Variants in GPC6 observed in about 807,000 individuals in gnomAD.
GPC6 encodes the protein glypican-6.
Under a neutral mutation model 55.2 loss-of-function variants are expected in GPC6, and 14 were observed. The observed-to-expected ratio is 0.25, with a 90% CI of 0.17 to 0.40. GPC6 has a LOEUF of 0.40. GPC6 is among the 10% of genes least tolerant of loss of function. The probability of loss-of-function intolerance (pLI) is 1.00; values close to 1 mark genes in which losing one functional copy is unlikely to be tolerated. For missense variants in GPC6, 641 were observed against 708.5 expected, an observed-to-expected ratio of 0.90 and a Z score of 1.08; for synonymous variants, 278 against 259.6, an observed-to-expected ratio of 1.07 and a Z score of -0.68.
At chr13:93,905,343 C>T (rs529267611) in intron 3 of GPC6, among the ~76,000 whole-genome samples, 1 of 152,128 alleles carries the variant, frequency 6.6e-6, no homozygotes, top group South Asian at 2.1e-4. Flanking sequence ...CAGTGCTACA[C>T]AAAAAATGCT....
At chr13:93,298,638 G>C (rs1465361664) in intron 1 of GPC6, among the ~76,000 whole-genome samples, 1 of 151,826 alleles carries the variant, frequency 6.6e-6, no homozygotes, top group Non-Finnish European at 1.5e-5. Context: ...ATAGGGATGG[G>C]GGTCTCCCTA....
At chr13:93,738,533 A>T (rs368979699) in intron 2 of GPC6, among the ~76,000 whole-genome samples, 16 of 152,326 alleles carry the variant, frequency 1.1e-4, no homozygotes, top group African/African-American at 3.8e-4. Flanking sequence ...CTTAGAAATG[A>T]CTTCAAAACA....
Position 93,464,101 on chromosome 13 carries a change from T to C in GPC6, c.161-81162T>C, listed in dbSNP as rs746864078. Among the ~76,000 whole-genome samples the C allele has an allele frequency of 1.1e-4, 17 of 152,326 alleles. 1 individual carries two copies. The East Asian group carries it at 3.3e-3, about 29-fold the overall frequency. The stretch of plus-strand genomic sequence containing the variant: ...TCTACAACCGGTACATATCTTAATT[T>C]AGAAATACTTTATTGCTAAAAAAAT... On this transcript the variant is annotated intron_variant, in intron 1 of 8. Transcript: ENST00000377047.
intron 3 of GPC6, among the ~76,000 whole-genome samples, chr13:93,840,137 C>T (rs1417562807): frequency 6.6e-6 from 1 of 152,054 alleles, no homozygotes; most frequent in African/African-American, 2.4e-5. Flanking sequence ...CCATTTCAAT[C>T]TCACTGCTTG....
intron 1 of GPC6, among the ~76,000 whole-genome samples, chr13:93,402,653 A>C (rs949906916): frequency 5.9e-5 from 9 of 152,180 alleles, no homozygotes; most frequent in Admixed American, 1.3e-4. Context: ...GAAAGCTCCC[A>C]AAATCTAGCA....
intron 2 of GPC6, among the ~76,000 whole-genome samples, chr13:93,723,610 G>C (rs1883527821): frequency 6.6e-6 from 1 of 151,944 alleles, no homozygotes; most frequent in Non-Finnish European, 1.5e-5. Context: ...CTAAGCTACT[G>C]TCTTTTGGTG....
chr13:93,294,992 C>T (rs572794642), intron 1 of GPC6, among the ~76,000 whole-genome samples: 3 of 150,310 alleles, frequency 2.0e-5, no homozygotes, highest in African/African-American at 7.3e-5. Flanking sequence ...AATTTTAGGT[C>T]TGGCGTGGTG....
intron 4 of GPC6, among the ~76,000 whole-genome samples, chr13:94,185,495 T>G (rs969924219): frequency 2.0e-5 from 3 of 151,834 alleles, no homozygotes; most frequent in Non-Finnish European, 4.4e-5. Flanking sequence ...ATCTTGAAAT[T>G]CATATATTAT....
chr13:93,428,436 T>C (rs1877232681), intron 1 of GPC6, among the ~76,000 whole-genome samples: 1 of 152,158 alleles, frequency 6.6e-6, no homozygotes, highest in African/African-American at 2.4e-5. Context: ...CATCAGCTTT[T>C]CTTTCCATTT....
intron 6 of GPC6, among the ~76,000 whole-genome samples, chr13:94,337,755 G>A (rs1443006437): frequency 6.6e-6 from 1 of 151,962 alleles, no homozygotes; most frequent in African/African-American, 2.4e-5. Context: ...TAAAAAGGTA[G>A]TTAGCTGTGT....
chr13:93,326,150 C>A (rs1164780034), intron 1 of GPC6, among the ~76,000 whole-genome samples: 1 of 152,102 alleles, frequency 6.6e-6, no homozygotes, highest in African/African-American at 2.4e-5. Context: ...TGAGGGGTGG[C>A]TTTGCAGCAG....
At chr13:93,952,854 GTATATATATGTATATATATACA>G (rs71801774) in intron 3 of GPC6, among the ~76,000 whole-genome samples, 20,312 of 144,028 alleles carry the variant, frequency 0.14, 1,643 homozygotes, top group East Asian at 0.27. Context: ...ATATATATAC[GTATATATATGTATATATATACA>G]TATATATATG....
At chr13:94,158,887 T>C (rs1198177453) in intron 4 of GPC6, among the ~76,000 whole-genome samples, 3 of 152,124 alleles carry the variant, frequency 2.0e-5, no homozygotes, top group African/African-American at 7.2e-5. Flanking sequence ...CTTTTATTAA[T>C]ACTCATCTTT....
At chr13:93,745,070 C>T (rs974331656) in intron 2 of GPC6, among the ~76,000 whole-genome samples, 4 of 152,136 alleles carry the variant, frequency 2.6e-5, no homozygotes, top group Non-Finnish European at 5.9e-5. Context: ...TCAGTCAGTT[C>T]CCCAGGCTCA....
chr13:94,270,934 C>T (rs1172017316), intron 4 of GPC6, among the ~76,000 whole-genome samples: 4 of 136,118 alleles, frequency 2.9e-5, no homozygotes, highest in Non-Finnish European at 6.2e-5. Flanking sequence ...TTAATGCAGC[C>T]TTATAAAGGA....
At chr13:93,708,906 A>C (rs1180597492) in intron 2 of GPC6, among the ~76,000 whole-genome samples, 1 of 151,732 alleles carries the variant, frequency 6.6e-6, no homozygotes, top group African/African-American at 2.4e-5. Context: ...GTTTCAGAAC[A>C]CATCTTCAAA....
intron 1 of GPC6, among the ~76,000 whole-genome samples, chr13:93,286,677 G>C (rs1200815145): frequency 1.3e-5 from 2 of 152,178 alleles, no homozygotes; most frequent in African/African-American, 4.8e-5. Context: ...TTGTAGGGAA[G>C]GGGTGGCAGA....
At chr13:93,988,728 A>G (rs1881154779) in intron 3 of GPC6, among the ~76,000 whole-genome samples, 1 of 152,154 alleles carries the variant, frequency 6.6e-6, no homozygotes, top group Non-Finnish European at 1.5e-5. Context: ...ACCTCCTAAT[A>G]TTAAGACCAT....
intron 2 of GPC6, among the ~76,000 whole-genome samples, chr13:93,800,821 A>T (rs1886346093): frequency 6.6e-6 from 1 of 152,228 alleles, no homozygotes; most frequent in South Asian, 2.1e-4. Context: ...AGATGCACTC[A>T]TCTCCCATAT....
Sources: allele counts gnomAD v4.1 joint callset (sites outside exome capture counted in the v4.1 genomes callset), GRCh38; gene constraint gnomAD v4.1.1; transcripts MANE v1.5; gene names NCBI Gene and HGNC (gene_info 2026-07-23, HGNC 2026-07-21).